The following TBC1D22A variants were observed in gnomAD, a reference collection of about 807,000 sequenced individuals.
TBC1D22A encodes the protein putative GTPase activator.
Under a neutral mutation model 60.2 loss-of-function variants are expected in TBC1D22A, and 38 were observed. The observed-to-expected ratio is 0.63, with a 90% confidence interval of 0.49 to 0.83. The LOEUF (loss-of-function observed/expected upper bound fraction) is 0.83, where lower values mean the gene tolerates loss of function less well. Among genes scored for constraint, TBC1D22A ranks in the 40% least tolerant of loss-of-function variants. The pLI is 0.00. For missense variants in TBC1D22A, 628 were observed against 701.0 expected (o/e 0.90, Z 1.18); for synonymous variants, 302 against 281.7 (o/e 1.07, Z -0.72).
chr22:46,794,832 G>A (rs1042205359), intron 3 of TBC1D22A, among the ~76,000 whole-genome samples: 2 of 152,184 alleles, frequency 1.3e-5, no homozygotes, highest in African/African-American at 4.8e-5. Flanking sequence ...AGGGGCAGGG[G>A]CGAAGTCCAG....
chr22:46,829,072 G>C (rs1370285031), intron 4 of TBC1D22A, among the ~76,000 whole-genome samples: 1 of 152,188 alleles, frequency 6.6e-6, no homozygotes, highest in African/African-American at 2.4e-5. Flanking sequence ...ATTTCTGCTG[G>C]TGGTCAGGGG....
chr22:47,054,359 T>G (rs2148452598), intron 11 of TBC1D22A, among the ~76,000 whole-genome samples: 1 of 152,324 alleles, frequency 6.6e-6, no homozygotes, highest in Admixed American at 6.5e-5. Context: ...CTTCATTTTC[T>G]TCTGCCTCGA....
At chr22:46,977,988 A>T (rs1264973897) in intron 9 of TBC1D22A, among the ~76,000 whole-genome samples, 3 of 152,214 alleles carry the variant, frequency 2.0e-5, no homozygotes, top group Non-Finnish European at 4.4e-5. Context: ...TTGACCAAAG[A>T]TTGTTTAACA....
rs146373286 is a variant in TBC1D22A, at chr22:47,132,252, C to T, written c.1425+20649C>T. Among the ~76,000 whole-genome samples the T allele has an allele frequency of 6.4e-3, 981 of 152,272 alleles. 9 individuals are homozygous for T. The highest frequency in any genetic ancestry group is 0.01 in the Non-Finnish European group (693 of 68,024). Reference sequence around the variant, plus strand: ...TTGGTCGTCAGGCCTGGCGGTTGCACCCCATGTTCCTGAGCCCTCTTCTGG... The same window carrying T: ...TTGGTCGTCAGGCCTGGCGGTTGCATCCCATGTTCCTGAGCCCTCTTCTGG... On this transcript the variant is annotated intron_variant, in intron 12 of 12. Transcript: ENST00000337137.
intron 4 of TBC1D22A, among the ~76,000 whole-genome samples, chr22:46,837,254 A>G (rs2086564379): frequency 6.6e-6 from 1 of 152,236 alleles, no homozygotes; most frequent in South Asian, 2.1e-4. Context: ...TATAAAGCAT[A>G]TATTAACAGA....
intron 12 of TBC1D22A, among the ~76,000 whole-genome samples, chr22:47,132,885 T>A (rs1232178152): frequency 6.6e-6 from 1 of 152,240 alleles, no homozygotes; most frequent in African/African-American, 2.4e-5. Flanking sequence ...AGCCATTGGA[T>A]TTCAGTTCGA....
intron 8 of TBC1D22A, among the ~76,000 whole-genome samples, chr22:46,969,536 C>T (rs184980705): frequency 4.2e-4 from 64 of 152,352 alleles, no homozygotes; most frequent in African/African-American, 1.4e-3. Context: ...TTTCTGTGGT[C>T]TAAGAAGGCA....
chr22:46,974,458 C>A, intron 9 of TBC1D22A, 59 bp downstream of exon 9: 1 of 1,423,464 alleles, frequency 7.0e-7, no homozygotes, highest in Non-Finnish European at 9.7e-7. Context: ...GTGAAGAGAG[C>A]CTGAGGCCTT....
intron 7 of TBC1D22A, among the ~76,000 whole-genome samples, chr22:46,900,714 G>C (rs556444105): frequency 1.6e-4 from 24 of 152,282 alleles, no homozygotes; most frequent in African/African-American, 5.3e-4. Context: ...CTGTTGCAAG[G>C]ATCAGGAGTT....
At chr22:47,155,427 A>C (rs1400017296) in intron 12 of TBC1D22A, among the ~76,000 whole-genome samples, 5 of 152,072 alleles carry the variant, frequency 3.3e-5, no homozygotes, top group Non-Finnish European at 7.4e-5. Context: ...AGATTTTCAA[A>C]CTAATAACTG....
intron 5 of TBC1D22A, among the ~76,000 whole-genome samples, chr22:46,888,377 G>A (rs2068225860): frequency 6.6e-6 from 1 of 152,236 alleles, no homozygotes; most frequent in African/African-American, 2.4e-5. Context: ...ACACAGTGAT[G>A]TCTACTACAG....
intron 7 of TBC1D22A, among the ~76,000 whole-genome samples, chr22:46,911,197 G>A (rs2069893264): frequency 6.6e-6 from 1 of 152,074 alleles, no homozygotes; most frequent in South Asian, 2.1e-4. Context: ...GTGGAGAGAG[G>A]GTCCACTGAA....
chr22:47,025,545 A>G (rs779960234), intron 10 of TBC1D22A, among the ~76,000 whole-genome samples: 50 of 152,254 alleles, frequency 3.3e-4, no homozygotes, highest in Non-Finnish European at 6.9e-4. Flanking sequence ...GGTATTTTGA[A>G]GTGAATGACA....
chr22:47,114,342 A>G (rs1297816002), intron 12 of TBC1D22A, among the ~76,000 whole-genome samples: 2 of 151,968 alleles, frequency 1.3e-5, no homozygotes, highest in African/African-American at 2.4e-5. Context: ...GGGAACCGGG[A>G]GGAGGCGCTG....
At chr22:47,057,797 A>T (rs2063443547) in intron 11 of TBC1D22A, among the ~76,000 whole-genome samples, 2 of 152,056 alleles carry the variant, frequency 1.3e-5, no homozygotes. Context: ...ACACGTGGGG[A>T]TTATGGGAGC....
At chr22:47,105,720 C>A (rs1488886670) in intron 11 of TBC1D22A, among the ~76,000 whole-genome samples, 1 of 152,190 alleles carries the variant, frequency 6.6e-6, no homozygotes, top group Non-Finnish European at 1.5e-5. Flanking sequence ...GATAACAAGG[C>A]CCTCAGGCTC....
At chr22:47,164,153 C>T (rs1392732740) in intron 12 of TBC1D22A, among the ~76,000 whole-genome samples, 3 of 152,242 alleles carry the variant, frequency 2.0e-5, no homozygotes, top group African/African-American at 7.2e-5. Flanking sequence ...GGCCCAGCCA[C>T]GTGAAGCTGC....
In TBC1D22A at chr22:46,878,384, G is replaced by A. The variant is rs76035712; in HGVS notation, c.638-269G>A. On this transcript the variant is annotated intron_variant, in intron 4 of 12. Transcript: ENST00000337137. ...GTACTCTGGACTTCTCTGGTTGAAG[G>A]AGGAAGGGATCATGGGGCCTCACGT... Among the ~76,000 whole-genome samples the A allele has an allele frequency of 9.8e-3, 966 of 98,544 alleles. 5 individuals are homozygous for A. Among genetic ancestry groups the A allele is most frequent in the Middle Eastern group, 0.019 (3 of 160 alleles). The allele number at this position is 98,544 out of a possible 152,430, so 64.6% of individuals were successfully genotyped here.
intron 1 of TBC1D22A, among the ~76,000 whole-genome samples, chr22:46,773,346 G>C (rs1405710252): frequency 6.6e-6 from 1 of 152,228 alleles, no homozygotes; most frequent in Non-Finnish European, 1.5e-5. Context: ...GCGTGTCTGT[G>C]TGCGGAGCAG....
Sources: gnomAD v4.1 joint callset for allele counts (sites outside exome capture counted in the v4.1 genomes callset) on GRCh38, gnomAD v4.1.1 for gene constraint, MANE v1.5 for transcripts, NCBI Gene and HGNC (gene_info 2026-07-23, HGNC 2026-07-21) for gene names.